The following PARD6G variants were observed in gnomAD, a reference collection of about 807,000 sequenced individuals.
PARD6G encodes the protein par-6 family cell polarity regulator gamma.
Under a neutral mutation model 10.7 loss-of-function variants are expected in PARD6G, and 7 were observed. The observed-to-expected ratio is 0.66, with a 90% confidence interval of 0.37 to 1.23. The LOEUF (loss-of-function observed/expected upper bound fraction) is 1.23. PARD6G is among the 50% of genes most tolerant of loss of function. PARD6G has a pLI of 0.02. For missense variants in PARD6G, 548 were observed against 571.8 expected (o/e 0.96, Z 0.42); for synonymous variants, 287 against 269.4 (o/e 1.07, Z -0.64).
chr18:80,239,111 T>C (rs1254341166), intron 1 of PARD6G, among the ~76,000 whole-genome samples: 3 of 151,914 alleles, frequency 2.0e-5, no homozygotes, highest in African/African-American at 7.3e-5. Flanking sequence ...CTATGAAGTA[T>C]GGGATGAGTG....
intron 2 of PARD6G, among the ~76,000 whole-genome samples, chr18:80,165,055 T>A (rs961523799): frequency 5.9e-5 from 9 of 152,110 alleles, no homozygotes; most frequent in Non-Finnish European, 1.2e-4. Context: ...TTGATAAACA[T>A]CTTCAACAAC....
chr18:80,177,731 G>A (rs1354988946), intron 2 of PARD6G, among the ~76,000 whole-genome samples: 1 of 149,616 alleles, frequency 6.7e-6, no homozygotes, highest in African/African-American at 2.5e-5. Context: ...ACGCACACAG[G>A]ATAAATCACA....
rs562010244 is a variant in PARD6G at position 80,186,976 on chromosome 18, G to A, written c.295+15734C>T. ...TAGCCGGGCGTGGTGGCGGGCACCT[G>A]TAGTCCCAGCTACTCAGGAGGCTGA... is the stretch of plus-strand genomic sequence containing the variant. On this transcript the variant is annotated intron_variant, in intron 2 of 2. Transcript: ENST00000353265. Among the ~76,000 whole-genome samples, 79 of 152,182 alleles carry A rather than the reference G, an allele frequency of 5.2e-4. 1 individual carries two copies. Among genetic ancestry groups the A allele is most frequent in the African/African-American group, 1.7e-3 (72 of 41,512 alleles).
chr18:80,186,627 G>A (rs1217050534), intron 2 of PARD6G, among the ~76,000 whole-genome samples: 1 of 151,578 alleles, frequency 6.6e-6, no homozygotes, highest in Non-Finnish European at 1.5e-5. Flanking sequence ...TGCACTCATA[G>A]CTGCTGCTCT....
chr18:80,186,477 C>A (rs1460122283), intron 2 of PARD6G, among the ~76,000 whole-genome samples: 1 of 149,516 alleles, frequency 6.7e-6, no homozygotes. Flanking sequence ...GGCTCGCACA[C>A]CCTCACATGC....
At chr18:80,212,276 C>T (rs1314918918) in intron 1 of PARD6G, among the ~76,000 whole-genome samples, 1 of 152,090 alleles carries the variant, frequency 6.6e-6, no homozygotes, top group Non-Finnish European at 1.5e-5. Flanking sequence ...CTGCCTTGTT[C>T]CCTGAGCTGC....
intron 1 of PARD6G, among the ~76,000 whole-genome samples, chr18:80,207,412 T>C (rs942242423): frequency 2.0e-5 from 3 of 152,032 alleles, no homozygotes; most frequent in African/African-American, 7.2e-5. Context: ...AAATGAAAGA[T>C]TCTTCCGAAG....
At chr18:80,190,581 C>A (rs1253757227) in intron 2 of PARD6G, among the ~76,000 whole-genome samples, 1 of 152,154 alleles carries the variant, frequency 6.6e-6, no homozygotes, top group Non-Finnish European at 1.5e-5. Context: ...AGACACGGAT[C>A]CTGGTCTGTC....
chr18:80,216,362 T>C (rs922427951), intron 1 of PARD6G, among the ~76,000 whole-genome samples: 2 of 152,070 alleles, frequency 1.3e-5, no homozygotes, highest in African/African-American at 2.4e-5. Flanking sequence ...GGATAGACCA[T>C]ACTTAGGCCC....
At chr18:80,193,756 G>C (rs1966924096) in intron 2 of PARD6G, among the ~76,000 whole-genome samples, 1 of 152,210 alleles carries the variant, frequency 6.6e-6, no homozygotes, top group South Asian at 2.1e-4. Flanking sequence ...TGGAACTGCT[G>C]AGGAGTGCTG....
chr18:80,163,071 T>C (rs2052711315), intron 2 of PARD6G, among the ~76,000 whole-genome samples: 2 of 152,186 alleles, frequency 1.3e-5, no homozygotes, highest in Non-Finnish European at 2.9e-5. Context: ...CTTTCCATGA[T>C]ACGGGCTCTT....
Position 80,157,558 on chromosome 18 carries a change from A to AAAAG in PARD6G, c.*2209_*2212dup, listed in dbSNP as rs2052664066. On this transcript the variant is annotated 3_prime_UTR_variant, in exon 3 of 3. Coordinates refer to ENST00000353265, the MANE Select transcript of PARD6G (RefSeq NM_032510.4). ...ATTCAAGAATCAGCAATAACTTAGTAAAAGAACATTTCCTTTGTGAGGGTA... is the reference window on the plus strand; with the variant it reads ...ATTCAAGAATCAGCAATAACTTAGTAAAAGAAAGAACATTTCCTTTGTGAGGGTA... 1.4e-5 allele frequency: 2 copies of AAAAG among 141,244 alleles called. No homozygotes were observed. The highest frequency in any genetic ancestry group is 1.5e-4 in the Admixed American group (2 of 13,568). 8.7% of individuals were successfully genotyped at this position (141,244 alleles called of 1,614,324 possible). A position where few individuals can be genotyped will look rare whatever the true frequency, so the allele number is the denominator to read the frequency against.
At chr18:80,214,175 CG>C (rs1189344843) in intron 1 of PARD6G, among the ~76,000 whole-genome samples, 2 of 150,894 alleles carry the variant, frequency 1.3e-5, no homozygotes, top group Non-Finnish European at 3.0e-5. Flanking sequence ...AGAATGATAC[CG>C]GACAGGCGCG....
At chr18:80,234,499 A>AT (rs1241069434) in intron 1 of PARD6G, among the ~76,000 whole-genome samples, 1 of 152,056 alleles carries the variant, frequency 6.6e-6, no homozygotes, top group Non-Finnish European at 1.5e-5. Flanking sequence ...CTCACCCCAA[A>AT]TCCAGACAGG....
At chr18:80,199,344 T>C (rs1966987464) in intron 2 of PARD6G, among the ~76,000 whole-genome samples, 1 of 152,254 alleles carries the variant, frequency 6.6e-6, no homozygotes, top group African/African-American at 2.4e-5. Flanking sequence ...GTAGCATGTG[T>C]CAGCGCATCA....
At chr18:80,204,751 C>T (rs1967039906) in intron 1 of PARD6G, among the ~76,000 whole-genome samples, 1 of 151,950 alleles carries the variant, frequency 6.6e-6, no homozygotes, top group African/African-American at 2.4e-5. Flanking sequence ...GAGTTCAAGA[C>T]CAGCCTGGCC....
intron 2 of PARD6G, among the ~76,000 whole-genome samples, chr18:80,194,201 G>A (rs756569841): frequency 1.3e-5 from 2 of 152,136 alleles, no homozygotes; most frequent in African/African-American, 2.4e-5. Flanking sequence ...AAAACAACAC[G>A]GCCTTAATGT....
intron 2 of PARD6G, among the ~76,000 whole-genome samples, chr18:80,168,009 C>A (rs1215424822): frequency 6.6e-6 from 1 of 152,132 alleles, no homozygotes; most frequent in African/African-American, 2.4e-5. Context: ...GGGCCGACAC[C>A]CCACTTGGAG....
chr18:80,200,417 TCAG>T lies in PARD6G; in HGVS notation c.295+2290_295+2292del, dbSNP rs1225413895. ...CGAGGGGCCAGTGAAGGGCTTGTCA[TCAG>T]CAGATGTCGCTGTTAAGCTCTGACA... On this transcript the variant is annotated intron_variant, in intron 2 of 2. Coordinates refer to ENST00000353265, the MANE Select transcript of PARD6G (RefSeq NM_032510.4). This position sits in a 1 kb window ranked among gnomAD's most constrained non-coding sequence, Gnocchi z 4.4. 6.6e-6 allele frequency among the ~76,000 whole-genome samples: 1 copy of T among 152,176 alleles called. No homozygotes were observed. Among genetic ancestry groups the T allele is most frequent in the African/African-American group, 2.4e-5 (1 of 41,444 alleles).
Sources: gnomAD v4.1 joint callset for allele counts (sites outside exome capture counted in the v4.1 genomes callset) on GRCh38, gnomAD v4.1.1 for gene constraint, Gnocchi (gnomAD v3.1) non-coding constraint, MANE v1.5 for transcripts, NCBI Gene and HGNC (gene_info 2026-07-23, HGNC 2026-07-21) for gene names.